NT5E: variants seen among roughly 807,000 people sequenced by gnomAD.
NT5E encodes the protein 5'-nucleotidase ecto.
A neutral mutation model predicts 55.1 loss-of-function variants in NT5E; 53 were observed. The ratio of observed to expected loss-of-function variants is 0.96; its 90% confidence interval spans 0.77 to 1.21. The LOEUF is 1.21. Among genes scored for constraint, NT5E ranks in the 50% most tolerant of loss-of-function variants. The pLI is 0.00. For synonymous variants in NT5E, 270 were observed against 278.4 expected (o/e 0.97, Z 0.30); for missense variants, 683 against 724.3 (o/e 0.94, Z 0.65).
intron 1 of NT5E, among the ~76,000 whole-genome samples, chr6:85,462,584 G>A (rs1312728507): frequency 6.6e-6 from 1 of 152,146 alleles, no homozygotes; most frequent in African/African-American, 2.4e-5. Context: ...CACTGTGTCT[G>A]TCTGTTCACA....
intron 3 of NT5E, among the ~76,000 whole-genome samples, chr6:85,477,026 C>T (rs1170780403): frequency 6.6e-6 from 1 of 152,162 alleles, no homozygotes; most frequent in Non-Finnish European, 1.5e-5. Flanking sequence ...GGACCCCACC[C>T]TTTTCTACCT....
intron 1 of NT5E, among the ~76,000 whole-genome samples, chr6:85,460,954 T>G (rs1769088753): frequency 6.6e-6 from 1 of 152,220 alleles, no homozygotes; most frequent in Non-Finnish European, 1.5e-5. Context: ...TAAGGCCTCT[T>G]ACTATTCTGG....
intron 3 of NT5E, among the ~76,000 whole-genome samples, chr6:85,477,940 T>A: frequency 6.6e-6 from 1 of 150,754 alleles, no homozygotes; most frequent in Non-Finnish European, 1.5e-5. Context: ...GGCAGGAGCA[T>A]CACTTGAGCC....
chr6:85,465,635 C>T (rs535685869), intron 1 of NT5E, among the ~76,000 whole-genome samples: 2 of 152,306 alleles, frequency 1.3e-5, no homozygotes, highest in South Asian at 4.1e-4. Flanking sequence ...AATATAAACA[C>T]ATTGTGCTTT....
At chr6:85,488,418 T>C (rs1001998788) in intron 5 of NT5E, among the ~76,000 whole-genome samples, 2 of 152,200 alleles carry the variant, frequency 1.3e-5, no homozygotes, top group African/African-American at 4.8e-5. Context: ...CTCAGCATCA[T>C]GCAGTCAATG....
chr6:85,478,783 AC>A, intron 3 of NT5E, among the ~76,000 whole-genome samples: 1 of 151,622 alleles, frequency 6.6e-6, no homozygotes, highest in African/African-American at 2.4e-5. Context: ...TTTATCTTAG[AC>A]CTACTATGTT....
At chr6:85,454,398 C>T (rs1363619550) in intron 1 of NT5E, among the ~76,000 whole-genome samples, 2 of 152,192 alleles carry the variant, frequency 1.3e-5, no homozygotes, top group Non-Finnish European at 2.9e-5. Context: ...CACATTGCTG[C>T]TTTATCATGT....
At position 85,450,100 on chromosome 6, in the gene NT5E, C is replaced by A; in HGVS notation, c.-40C>A. The A allele has an allele frequency of 6.6e-7, 1 of 1,508,380 alleles. No homozygotes were observed. The highest frequency in any genetic ancestry group is 1.2e-5 in the South Asian group (1 of 83,182). The allele number at this position is 1,508,380 out of a possible 1,614,324, so 93.4% of individuals were successfully genotyped here. On this transcript the variant is annotated 5_prime_UTR_variant, in exon 1 of 9. Coordinates refer to ENST00000257770, the MANE Select transcript of NT5E (RefSeq NM_002526.4). The surrounding 1 kb of genome is among the most constrained non-coding windows in gnomAD (Gnocchi z 4.0). ...TCGCCCCTACTCGCCGGCACTCGCC[C>A]GGCTCGCCCGCTTTCGCACCCAGTT... is the stretch of plus-strand genomic sequence containing the variant.
intron 3 of NT5E, among the ~76,000 whole-genome samples, chr6:85,473,410 G>A (rs1234361320): frequency 6.6e-6 from 1 of 152,166 alleles, no homozygotes; most frequent in African/African-American, 2.4e-5. Context: ...TGGCTCACTG[G>A]ATAAGACCTG....
chr6:85,494,219 G>T lies in NT5E; in HGVS notation c.*215G>T. ...AAAAAATTAACATAGGGCCCTATAA[G>T]GAGAAAGCCAACTATGTTAAGTTTA... is the stretch of plus-strand genomic sequence containing the variant. On this transcript the variant is annotated 3_prime_UTR_variant, in exon 9 of 9. Transcript: ENST00000257770. The T allele has an allele frequency of 1.8e-6, 1 of 555,152 alleles. No homozygotes were observed. The highest frequency in any genetic ancestry group is 3.2e-6 in the Non-Finnish European group (1 of 314,406). 34.4% of individuals were successfully genotyped at this position (555,152 alleles called of 1,614,324 possible).
intron 8 of NT5E, 82 bp downstream of exon 8, chr6:85,492,259 C>A: frequency 7.9e-7 from 1 of 1,259,606 alleles, no homozygotes; most frequent in Non-Finnish European, 1.2e-6. Flanking sequence ...GCCAGGAGGG[C>A]AAAGTGACTC....
intron 3 of NT5E, among the ~76,000 whole-genome samples, chr6:85,471,919 A>G (rs1769318865): frequency 6.6e-6 from 1 of 152,190 alleles, no homozygotes; most frequent in Non-Finnish European, 1.5e-5. Context: ...GACTAGGAAT[A>G]TAAGTATCCT....
rs1168919667 is a variant in NT5E at position 85,467,127 on chromosome 6, A to G, written c.407A>G (p.Lys136Arg). ...GLIEPLLKEA[K>R]FPILSANIKA... ...ATCGAGCCACTCCTCAAAGAGGCCA[A>G]ATTTCCAATTCTGAGTGCAAACATT... The change falls in exon 2 of 9, where the codon AAA becomes AGA. Residue 136 changes from lysine (K) to arginine (R), a missense_variant. Physicochemically the swap from Lys to Arg is conservative, Grantham distance 26. Coordinates refer to ENST00000257770, the MANE Select transcript of NT5E (RefSeq NM_002526.4). The G allele has an allele frequency of 1.2e-6, 2 of 1,614,162 alleles. No individual in the cohort carries two copies. Among genetic ancestry groups the G allele is most frequent in the Admixed American group, 1.7e-5 (1 of 60,020 alleles).
chr6:85,477,828 G>A (rs1297273326), intron 3 of NT5E, among the ~76,000 whole-genome samples: 3 of 152,162 alleles, frequency 2.0e-5, no homozygotes, highest in African/African-American at 7.2e-5. Context: ...CAGCCAAGGG[G>A]CAGAGGTGTG....
intron 5 of NT5E, among the ~76,000 whole-genome samples, chr6:85,488,350 G>A (rs926183379): frequency 2.6e-5 from 4 of 152,164 alleles, no homozygotes; most frequent in African/African-American, 9.7e-5. Context: ...CTCGATAAAT[G>A]TTTGCCGTGT....
rs1051724793 is a variant in NT5E, at chr6:85,464,462, C to T, written c.340-2598C>T. Among the ~76,000 whole-genome samples, 4 of 152,190 alleles carry T rather than the reference C, an allele frequency of 2.6e-5. No individual in the cohort carries two copies. The South Asian group carries it at 6.2e-4, about 24-fold the overall frequency. On this transcript the variant is annotated intron_variant, in intron 1 of 8. Coordinates refer to ENST00000257770, the MANE Select transcript of NT5E (RefSeq NM_002526.4). ...TGTGCCCTGGGTCACTGCTGAGGAG[C>T]GGACGGAGCCTGGGAGGGAGCTACC...
Position 85,494,307 on chromosome 6 carries a change from C to A in NT5E, c.*303C>A. The A allele has an allele frequency of 3.0e-6, 1 of 336,378 alleles. No homozygotes were observed. Among genetic ancestry groups the A allele is most frequent in the African/African-American group, 2.1e-5 (1 of 47,650 alleles). 20.8% of individuals were successfully genotyped at this position (336,378 alleles called of 1,614,324 possible). On this transcript the variant is annotated 3_prime_UTR_variant, in exon 9 of 9. Transcript: ENST00000257770. ...AAACCATATTTTTCTTCTTCATATC[C>A]ATTTCTAATCCATCAAACAGCTTAT...
chr6:85,479,792 C>T (rs1224725524), intron 3 of NT5E, among the ~76,000 whole-genome samples: 3 of 152,134 alleles, frequency 2.0e-5, no homozygotes, highest in Non-Finnish European at 4.4e-5. Context: ...GCATTTTAAA[C>T]AGGCCATAGT....
At position 85,494,438 on chromosome 6, in the gene NT5E, C is replaced by T. The variant is rs750317010; in HGVS notation, c.*434C>T. On this transcript the variant is annotated 3_prime_UTR_variant, in exon 9 of 9. Coordinates refer to ENST00000257770, the MANE Select transcript of NT5E (RefSeq NM_002526.4). ...AAAGAGAGATGTTTTTCCCACCTGT[C>T]AGATGAAAAAACTGAAGCTCAAAAA... The T allele has an allele frequency of 1.6e-5, 3 of 187,816 alleles. No homozygotes were observed. The highest frequency in any genetic ancestry group is 3.4e-5 in the Non-Finnish European group (3 of 89,550). 11.6% of individuals were successfully genotyped at this position (187,816 alleles called of 1,614,324 possible).
Sources: gnomAD v4.1 joint callset for allele counts (sites outside exome capture counted in the v4.1 genomes callset) on GRCh38, gnomAD v4.1.1 for gene constraint, Gnocchi (gnomAD v3.1) non-coding constraint, MANE v1.5 for transcripts, NCBI Gene and HGNC (gene_info 2026-07-23, HGNC 2026-07-21) for gene names.